The following RILPL1 variants were observed in gnomAD, a reference collection of about 807,000 sequenced individuals.
RILPL1 encodes Rab interacting lysosomal protein like 1.
Under a neutral mutation model 50.3 loss-of-function variants are expected in RILPL1, and 33 were observed. That is an observed-to-expected ratio of 0.66 (90% CI 0.50 to 0.88). The LOEUF (loss-of-function observed/expected upper bound fraction) is 0.88. Ranked by LOEUF, RILPL1 falls within the 40% of genes least tolerant of loss-of-function variation. RILPL1 has a pLI of 0.00. For synonymous variants in RILPL1, 205 were observed against 228.6 expected (o/e 0.90, Z 0.93); for missense variants, 418 against 542.5 (o/e 0.77, Z 2.28).
At chr12:123,475,145 CCT>C (rs1881505061) in intron 6 of RILPL1, 1 of 160,356 alleles carries the variant, frequency 6.2e-6, no homozygotes, top group African/African-American at 2.4e-5. Flanking sequence ...TTACGCTTCA[CCT>C]CTCTCTGACT....
intron 6 of RILPL1, among the ~76,000 whole-genome samples, chr12:123,478,259 C>A (rs1881733529): frequency 6.6e-6 from 1 of 151,936 alleles, no homozygotes; most frequent in Non-Finnish European, 1.5e-5. Flanking sequence ...CCTCGGCCTC[C>A]CAAAGTGTTG....
intron 2 of RILPL1, 140 bp from the exon 3 acceptor site, chr12:123,499,676 C>G: frequency 1.5e-6 from 1 of 668,568 alleles, no homozygotes; most frequent in East Asian, 2.8e-5. Flanking sequence ...ACTCTCCACT[C>G]ACGCCCTTCG....
intron 2 of RILPL1, among the ~76,000 whole-genome samples, chr12:123,508,394 A>G (rs1883887820): frequency 6.6e-6 from 1 of 151,900 alleles, no homozygotes; most frequent in South Asian, 2.1e-4. Context: ...ACCCTGCCTC[A>G]AAAAAAACAA....
chr12:123,505,005 C>A (rs1269806919), intron 2 of RILPL1, among the ~76,000 whole-genome samples: 1 of 151,934 alleles, frequency 6.6e-6, no homozygotes, highest in Non-Finnish European at 1.5e-5. Context: ...CATATGTGTA[C>A]CCCCATCAGA....
chr12:123,483,797 T>A lies in RILPL1; in HGVS notation c.1067+383A>T, dbSNP rs113307884. Among the ~76,000 whole-genome samples the A allele has an allele frequency of 3.1e-3, 470 of 152,282 alleles. 1 individual carries two copies. Among genetic ancestry groups the A allele is most frequent in the African/African-American group, 9.5e-3 (395 of 41,564 alleles). On this transcript the variant is annotated intron_variant, in intron 6 of 6. Coordinates refer to ENST00000376874, the MANE Select transcript of RILPL1 (RefSeq NM_178314.5). Reference sequence around the variant, plus strand: ...TAGATGGGGTGGACCCAGGGCCACCTGACATCTCAGAGCTGAGGTCTCAAG... The same window carrying A: ...TAGATGGGGTGGACCCAGGGCCACCAGACATCTCAGAGCTGAGGTCTCAAG...
intron 6 of RILPL1, among the ~76,000 whole-genome samples, chr12:123,479,122 G>T (rs1302219449): frequency 6.6e-6 from 1 of 152,022 alleles, no homozygotes; most frequent in Admixed American, 6.6e-5. Context: ...GCGGGGGTGG[G>T]AGCAGAAAAG....
intron 3 of RILPL1, 119 bp downstream of exon 3, chr12:123,499,299 C>G (rs1310164815): frequency 1.4e-6 from 1 of 694,434 alleles, no homozygotes; most frequent in Non-Finnish European, 2.6e-6. Context: ...GATCCACACC[C>G]CACGGAGCCC....
rs986309069 is a variant in RILPL1, at chr12:123,485,345, C to T, written c.974+288G>A. On this transcript the variant is annotated intron_variant, in intron 5 of 6. Transcript: ENST00000376874. The surrounding 1 kb of genome is among the most constrained non-coding windows in gnomAD (Gnocchi z 4.0). ...TCATTTAAAAAAAGAGATGAGGTCT[C>T]GCTTTGTTGCCCAGGCTAGTCTCGA... 32 of 512,028 alleles carry T rather than the reference C, an allele frequency of 6.2e-5. No individual in the cohort carries two copies. Among genetic ancestry groups the T allele is most frequent in the Middle Eastern group, 3.2e-4 (1 of 3,142 alleles). The allele number at this position is 512,028 out of a possible 1,614,324, so 31.7% of individuals were successfully genotyped here. A position where few individuals can be genotyped will look rare whatever the true frequency, so the allele number is the denominator to read the frequency against.
intron 6 of RILPL1, among the ~76,000 whole-genome samples, chr12:123,478,329 C>G (rs1261018499): frequency 6.6e-6 from 1 of 152,000 alleles, no homozygotes; most frequent in Non-Finnish European, 1.5e-5. Flanking sequence ...GCTCACTGAG[C>G]GGATGGCCCC....
chr12:123,510,119 G>A (rs935535637), intron 2 of RILPL1, among the ~76,000 whole-genome samples: 1 of 152,314 alleles, frequency 6.6e-6, no homozygotes, highest in African/African-American at 2.4e-5. Flanking sequence ...GCACAGAACC[G>A]GCAACCAAGC....
chr12:123,502,690 G>T (rs1883471841), intron 2 of RILPL1, among the ~76,000 whole-genome samples: 1 of 152,220 alleles, frequency 6.6e-6, no homozygotes, highest in South Asian at 2.1e-4. Flanking sequence ...TTAAGTTATT[G>T]TTGAATTAAT....
chr12:123,529,873 CAAA>C (rs35014721), intron 1 of RILPL1, among the ~76,000 whole-genome samples: 1 of 129,832 alleles, frequency 7.7e-6, no homozygotes, highest in African/African-American at 2.9e-5. Flanking sequence ...GTCCCTGACT[CAAA>C]AAAAAAAAAA....
At chr12:123,507,679 C>T (rs143038710) in intron 2 of RILPL1, among the ~76,000 whole-genome samples, 6 of 150,564 alleles carry the variant, frequency 4.0e-5, no homozygotes, top group African/African-American at 1.2e-4. Flanking sequence ...CGGTGGCTCA[C>T]GCCTGTAATC....
chr12:123,495,424 G>A (rs1266944040), intron 4 of RILPL1, among the ~76,000 whole-genome samples: 1 of 150,802 alleles, frequency 6.6e-6, no homozygotes, highest in East Asian at 1.9e-4. Flanking sequence ...ACCCAGGCTG[G>A]AGTGCAGTGG....
chr12:123,481,548 A>C (rs1336116753), intron 6 of RILPL1, among the ~76,000 whole-genome samples: 2 of 150,550 alleles, frequency 1.3e-5, no homozygotes, highest in African/African-American at 5.0e-5. Flanking sequence ...TTCCTTAGCC[A>C]AATTTGTTTT....
rs183958566 is a variant in RILPL1, at chr12:123,521,764, T to C, written c.460+1731A>G. ...ATATAAAAATATATATATACACACA[T>C]ATATGTGTATATATACTTTTTTTTT... On this transcript the variant is annotated intron_variant, in intron 2 of 6. Coordinates refer to ENST00000376874, the MANE Select transcript of RILPL1 (RefSeq NM_178314.5). Among the ~76,000 whole-genome samples the C allele has an allele frequency of 4.4e-3, 634 of 143,824 alleles. 33 individuals carry two copies. Among genetic ancestry groups the C allele is most frequent in the Admixed American group, 0.04 (537 of 13,560 alleles). The allele number at this position is 143,824 out of a possible 152,430, so 94.4% of individuals were successfully genotyped here. A position where few individuals can be genotyped will look rare whatever the true frequency, so the allele number is the denominator to read the frequency against.
At chr12:123,502,667 C>T (rs2139345478) in intron 2 of RILPL1, among the ~76,000 whole-genome samples, 1 of 152,352 alleles carries the variant, frequency 6.6e-6, no homozygotes, top group Non-Finnish European at 1.5e-5. Flanking sequence ...GCCTGGCACA[C>T]CGCAGGTGCC....
intron 6 of RILPL1, among the ~76,000 whole-genome samples, chr12:123,480,179 T>A (rs1035848449): frequency 2.1e-5 from 3 of 143,522 alleles, no homozygotes; most frequent in Admixed American, 1.4e-4. Flanking sequence ...TTTTTTTTTT[T>A]AAATGGGGTA....
At chr12:123,508,061 C>T (rs1349822130) in intron 2 of RILPL1, among the ~76,000 whole-genome samples, 1 of 150,896 alleles carries the variant, frequency 6.6e-6, no homozygotes, top group Admixed American at 6.6e-5. Context: ...AAAAATCAGA[C>T]AGTAGTGATA....
Sources: allele counts gnomAD v4.1 joint callset (sites outside exome capture counted in the v4.1 genomes callset), GRCh38; gene constraint gnomAD v4.1.1; non-coding constraint Gnocchi (gnomAD v3.1); transcripts MANE v1.5; gene names NCBI Gene and HGNC (gene_info 2026-07-23, HGNC 2026-07-21).